The following CSMD1 variants were observed in gnomAD, a reference collection of about 807,000 sequenced individuals.
The protein encoded by CSMD1 is CUB and Sushi multiple domains 1.
Under a neutral mutation model 417.5 loss-of-function variants are expected in CSMD1, and 213 were observed. The observed-to-expected ratio is 0.51, with a 90% CI of 0.46 to 0.57. The LOEUF (loss-of-function observed/expected upper bound fraction) is 0.57. Among genes scored for constraint, CSMD1 ranks in the 20% least tolerant of loss-of-function variants. The pLI is 0.00. For missense variants in CSMD1, 6,923 were observed against 4,529.7 expected, an observed-to-expected ratio of 1.53 and a Z score of -15.17; for synonymous variants, 2,862 against 1,736.8, an observed-to-expected ratio of 1.65 and a Z score of -16.11.
At chr8:4,592,170 A>G (rs1800024351) in intron 2 of CSMD1, among the ~76,000 whole-genome samples, 1 of 151,400 alleles carries the variant, frequency 6.6e-6, no homozygotes, top group African/African-American at 2.4e-5. Flanking sequence ...GGCATAAATA[A>G]TACTCTCAGG....
chr8:3,557,809 G>T (rs1320016150), intron 10 of CSMD1, among the ~76,000 whole-genome samples: 2 of 152,086 alleles, frequency 1.3e-5, no homozygotes, highest in Non-Finnish European at 2.9e-5. Flanking sequence ...TTGTTTCTAG[G>T]TTGATTATTA....
rs557969154 is a variant in CSMD1, at chr8:3,658,712, G to A, written c.1010-41915C>T. On this transcript the variant is annotated intron_variant, in intron 7 of 69. Coordinates refer to ENST00000635120, the MANE Select transcript of CSMD1 (RefSeq NM_033225.6). The stretch of plus-strand genomic sequence containing the variant: ...GCAGGGGAAACACTTGAACGCAGGA[G>A]GCTAAGGTTGCAGTGAGCCAAGATC... 9.1e-4 allele frequency among the ~76,000 whole-genome samples: 138 copies of A among 152,194 alleles called. 1 individual carries two copies. Among genetic ancestry groups the A allele is most frequent in the African/African-American group, 3.2e-3 (135 of 41,558 alleles).
At chr8:4,564,027 T>C (rs1346640680) in intron 2 of CSMD1, among the ~76,000 whole-genome samples, 1 of 152,318 alleles carries the variant, frequency 6.6e-6, no homozygotes, top group African/African-American at 2.4e-5. Flanking sequence ...GAGTTGCAAC[T>C]CATGGAAGCC....
At chr8:3,366,756 T>A (rs1415805381) in intron 20 of CSMD1, among the ~76,000 whole-genome samples, 1 of 152,154 alleles carries the variant, frequency 6.6e-6, no homozygotes, top group Non-Finnish European at 1.5e-5. Context: ...GAGAAGGGCT[T>A]TGCAGAATGT....
At chr8:3,814,986 A>G (rs2129079258) in intron 5 of CSMD1, among the ~76,000 whole-genome samples, 1 of 152,356 alleles carries the variant, frequency 6.6e-6, no homozygotes, top group African/African-American at 2.4e-5. Flanking sequence ...TCTGCATAAT[A>G]ATTACTAAAT....
intron 23 of CSMD1, among the ~76,000 whole-genome samples, chr8:3,336,554 C>T (rs1807274561): frequency 1.3e-5 from 2 of 152,256 alleles, no homozygotes; most frequent in African/African-American, 4.8e-5. Flanking sequence ...TGGGATTGAA[C>T]AGAGTAAGGA....
rs996499233 is a variant in CSMD1 at position 4,313,309 on chromosome 8, G to C, written c.415+106644C>G. Among the ~76,000 whole-genome samples, 8 of 152,152 alleles carry C rather than the reference G, an allele frequency of 5.3e-5. No individual in the cohort carries two copies. In the East Asian group the frequency reaches 1.5e-3, roughly 29 times the overall value. On this transcript the variant is annotated intron_variant, in intron 3 of 69. Transcript: ENST00000635120. ...ATGCGAAGAATCTGGTTAATAGCTA[G>C]CTGAGTCCCTAGAGAGGGAGGAATC... is the stretch of plus-strand genomic sequence containing the variant.
intron 1 of CSMD1, among the ~76,000 whole-genome samples, chr8:4,772,420 G>A (rs1461014060): frequency 6.6e-6 from 1 of 152,160 alleles, no homozygotes; most frequent in Non-Finnish European, 1.5e-5. Context: ...AATCCAGAAT[G>A]ATCTCCCTAT....
chr8:4,378,610 A>T (rs1802904010), intron 3 of CSMD1, among the ~76,000 whole-genome samples: 1 of 152,212 alleles, frequency 6.6e-6, no homozygotes, highest in Admixed American at 6.5e-5. Context: ...AAAGGATGCT[A>T]AAACAAGAGT....
At chr8:3,885,855 A>G (rs2627358) in intron 5 of CSMD1, among the ~76,000 whole-genome samples, 7,721 of 152,224 alleles carry the variant, frequency 0.051, 634 homozygotes, top group African/African-American at 0.17. Context: ...TCTGTGAACA[A>G]AACAATTTGC....
intron 1 of CSMD1, among the ~76,000 whole-genome samples, chr8:4,817,107 C>T (rs770666708): frequency 1.3e-5 from 2 of 151,884 alleles, no homozygotes; most frequent in East Asian, 4.1e-4. Flanking sequence ...ATATACATGC[C>T]TCCATGTATC....
chr8:3,810,697 T>A (rs1417049039), intron 5 of CSMD1, among the ~76,000 whole-genome samples: 2 of 152,214 alleles, frequency 1.3e-5, no homozygotes, highest in African/African-American at 2.4e-5. Context: ...AGGAAATGGT[T>A]TATCTCTTGT....
At chr8:2,995,488 G>C (rs933956455) in intron 54 of CSMD1, among the ~76,000 whole-genome samples, 1 of 152,188 alleles carries the variant, frequency 6.6e-6, no homozygotes, top group East Asian at 1.9e-4. Context: ...ATGCTTGGCA[G>C]TTTCTTATAA....
intron 7 of CSMD1, among the ~76,000 whole-genome samples, chr8:3,693,991 GT>G (rs1800401393): frequency 6.6e-6 from 1 of 151,420 alleles, no homozygotes; most frequent in African/African-American, 2.4e-5. Flanking sequence ...TGTTGTTAGT[GT>G]GTGTGTGTTG....
chr8:3,781,791 T>G (rs1052830592), intron 5 of CSMD1, among the ~76,000 whole-genome samples: 6 of 152,186 alleles, frequency 3.9e-5, no homozygotes, highest in African/African-American at 1.4e-4. Flanking sequence ...AATAAATGTT[T>G]CCTTTTAAAA....
intron 3 of CSMD1, among the ~76,000 whole-genome samples, chr8:4,324,997 C>G (rs13269120): frequency 0.18 from 27,933 of 152,022 alleles, 3,063 homozygotes; most frequent in South Asian, 0.37. Context: ...CATTGCATTC[C>G]TGGTGTGGTC....
intron 1 of CSMD1, among the ~76,000 whole-genome samples, chr8:4,923,313 T>C (rs1415888770): frequency 1.3e-5 from 2 of 152,088 alleles, no homozygotes; most frequent in African/African-American, 2.4e-5. Context: ...AGTTGATGCT[T>C]TCGTATTGGT....
chr8:4,573,022 C>A (rs1035627555), intron 2 of CSMD1, among the ~76,000 whole-genome samples: 2 of 152,118 alleles, frequency 1.3e-5, no homozygotes, highest in African/African-American at 4.8e-5. Context: ...TTCCTGTAAT[C>A]TTTTATCAAG....
chr8:3,467,317 G>A (rs1418919361), intron 12 of CSMD1, among the ~76,000 whole-genome samples: 1 of 152,138 alleles, frequency 6.6e-6, no homozygotes, highest in Non-Finnish European at 1.5e-5. Context: ...TGCCCTGTTG[G>A]GAAGTGTCTG....
Sources: allele counts gnomAD v4.1 joint callset (sites outside exome capture counted in the v4.1 genomes callset), GRCh38; gene constraint gnomAD v4.1.1; transcripts MANE v1.5; gene names NCBI Gene and HGNC (gene_info 2026-07-23, HGNC 2026-07-21).